The following RANBP2 variants were observed in gnomAD, a reference collection of about 807,000 sequenced individuals.
RANBP2 encodes E3 SUMO-protein ligase RanBP2.
RANBP2 carries 57 observed loss-of-function variants against 303.6 expected under a neutral mutation model. The ratio of observed to expected loss-of-function variants is 0.19; its 90% CI spans 0.15 to 0.23. The LOEUF is 0.23. RANBP2 is among the 10% of genes least tolerant of loss of function. The pLI is 1.00. For missense variants in RANBP2, 3,138 were observed against 3,780.8 expected, an observed-to-expected ratio of 0.83 and a Z score of 4.46; for synonymous variants, 1,167 against 1,301.5, an observed-to-expected ratio of 0.90 and a Z score of 2.23.
chr2:109,657,997 G>C, the RANBP2 span, among the ~76,000 whole-genome samples: 5 of 151,812 alleles, frequency 3.3e-5, no homozygotes, highest in Non-Finnish European at 7.4e-5. Flanking sequence ...TGGGATTACA[G>C]GCGTGAGCCA....
At chr2:109,574,562 ATTCCT>A in the RANBP2 span, 1 of 1,453,790 alleles carries the variant, frequency 6.9e-7, no homozygotes, top group Non-Finnish European at 9.1e-7. Context: ...TGGTAAGTTG[ATTCCT>A]TTCCTCAACC....
At chr2:109,575,768 T>C in the RANBP2 span, among the ~76,000 whole-genome samples, 4 of 152,346 alleles carry the variant, frequency 2.6e-5, no homozygotes, top group South Asian at 2.1e-4. Flanking sequence ...AGCCCTATAA[T>C]GAACCAGTAC....
the RANBP2 span, among the ~76,000 whole-genome samples, chr2:109,582,045 C>T: frequency 2.6e-5 from 4 of 151,180 alleles, no homozygotes; most frequent in Non-Finnish European, 4.4e-5. Context: ...AGCTGAGAGC[C>T]GTATCAAGAA....
At chr2:109,128,085 C>T in the RANBP2 span, 1 of 152,220 alleles carries the variant, frequency 6.6e-6, no homozygotes, top group Admixed American at 6.5e-5. Flanking sequence ...AGCGTCCAAC[C>T]AATCCTGGTT....
At chr2:109,374,629 T>C in the RANBP2 span, among the ~76,000 whole-genome samples, 3 of 152,182 alleles carry the variant, frequency 2.0e-5, no homozygotes, top group Non-Finnish European at 4.4e-5. Flanking sequence ...CCGGTGATGC[T>C]TGTCCCCTGG....
At chr2:109,041,361 C>T in the RANBP2 span, among the ~76,000 whole-genome samples, 12 of 152,196 alleles carry the variant, frequency 7.9e-5, no homozygotes, top group Non-Finnish European at 1.5e-4. Flanking sequence ...TGATAGACAA[C>T]ATCCTTGTCA....
rs1008515382 is a variant in RANBP2, at chr2:108,766,804, A to T, written c.6265A>T (p.Ile2089Leu). The T allele has an allele frequency of 1.2e-6, 2 of 1,612,020 alleles. No homozygotes were observed. The highest frequency in any genetic ancestry group is 2.2e-5 in the South Asian group (2 of 90,996). The change falls in exon 20 of 29, where the codon ATA becomes TTA. Residue 2089 changes from isoleucine to leucine, a missense_variant. Physicochemically the swap from Ile to Leu is conservative, Grantham distance 5. Transcript: ENST00000283195. ...QVLKVCANHW[I>L]TTTMNLKPLS... ...ACTAAAAGTGTGTGCTAATCATTGGATAACGACTACGATGAACCTGAAGCC... is the reference window on the plus strand; with the variant it reads ...ACTAAAAGTGTGTGCTAATCATTGGTTAACGACTACGATGAACCTGAAGCC...
the RANBP2 span, among the ~76,000 whole-genome samples, chr2:108,947,388 G>A: frequency 6.6e-6 from 1 of 152,186 alleles, no homozygotes; most frequent in Non-Finnish European, 1.5e-5. Flanking sequence ...CTGGAAAATG[G>A]TGGTGCTCGT....
intron 19 of RANBP2, among the ~76,000 whole-genome samples, chr2:108,762,843 A>G (rs868708037): frequency 1.3e-5 from 2 of 150,760 alleles, no homozygotes; most frequent in Non-Finnish European, 3.0e-5. Context: ...ATCATTTGAT[A>G]AATTAGGAAT....
At chr2:109,642,956 C>T in the RANBP2 span, among the ~76,000 whole-genome samples, 1 of 152,108 alleles carries the variant, frequency 6.6e-6, no homozygotes, top group East Asian at 1.9e-4. Flanking sequence ...AGGTGAATTG[C>T]TTGAGCTCAG....
At chr2:109,028,786 T>C in the RANBP2 span, among the ~76,000 whole-genome samples, 1 of 152,110 alleles carries the variant, frequency 6.6e-6, no homozygotes, top group Admixed American at 6.5e-5. Context: ...GAACAGAGCT[T>C]AGAGGTCATC....
At chr2:109,637,953 A>G in the RANBP2 span, among the ~76,000 whole-genome samples, 2 of 152,178 alleles carry the variant, frequency 1.3e-5, no homozygotes, top group Non-Finnish European at 2.9e-5. Flanking sequence ...ACAAGACTCC[A>G]TCTCAAAAAC....
chr2:108,800,009 A>C, the RANBP2 span, among the ~76,000 whole-genome samples: 1 of 151,958 alleles, frequency 6.6e-6, no homozygotes, highest in Non-Finnish European at 1.5e-5. Context: ...ATTTACATCT[A>C]TATATATTTA....
At chr2:109,392,883 CTCTTGGAATG>C in the RANBP2 span, among the ~76,000 whole-genome samples, 1 of 152,190 alleles carries the variant, frequency 6.6e-6, no homozygotes, top group Admixed American at 6.5e-5. Flanking sequence ...TCCTTAAAGG[CTCTTGGAATG>C]TTCCACACAC....
At chr2:109,706,038 C>T in the RANBP2 span, among the ~76,000 whole-genome samples, 3 of 152,066 alleles carry the variant, frequency 2.0e-5, no homozygotes, top group Non-Finnish European at 4.4e-5. Flanking sequence ...GATTCATGCC[C>T]CACCTATTAG....
the RANBP2 span, among the ~76,000 whole-genome samples, chr2:109,385,646 C>T: frequency 6.6e-6 from 1 of 152,324 alleles, no homozygotes; most frequent in Non-Finnish European, 1.5e-5. Context: ...CTGAGGTCAG[C>T]TGCTTGAGCA....
the RANBP2 span, among the ~76,000 whole-genome samples, chr2:109,296,749 C>T: frequency 2.0e-5 from 3 of 152,132 alleles, no homozygotes; most frequent in Non-Finnish European, 4.4e-5. Context: ...AGAGGATTCG[C>T]GTGGCCTGGG....
At chr2:109,533,407 C>T in the RANBP2 span, among the ~76,000 whole-genome samples, 1 of 152,154 alleles carries the variant, frequency 6.6e-6, no homozygotes, top group African/African-American at 2.4e-5. Flanking sequence ...TGTTAGAAAA[C>T]ACGATTAAGT....
At chr2:109,137,914 G>T in the RANBP2 span, among the ~76,000 whole-genome samples, 2 of 152,246 alleles carry the variant, frequency 1.3e-5, no homozygotes, top group Admixed American at 6.5e-5. Flanking sequence ...TCCTGAGGCT[G>T]GGCCAGCTAA....
Sources: gnomAD v4.1 joint callset for allele counts (sites outside exome capture counted in the v4.1 genomes callset) on GRCh38, gnomAD v4.1.1 for gene constraint, MANE v1.5 for transcripts, NCBI Gene and HGNC (gene_info 2026-07-23, HGNC 2026-07-21) for gene names.